HEPH: variants seen among roughly 807,000 people sequenced by gnomAD.
The protein encoded by HEPH is hephaestin.
In HEPH, 69 loss-of-function variants were observed where a neutral mutation model predicts 80.8. The observed-to-expected ratio is 0.85, with a 90% confidence interval of 0.70 to 1.04. The LOEUF is 1.04. Among genes scored for constraint, HEPH ranks in the 50% least tolerant of loss-of-function variants. The pLI is 0.00. For synonymous variants in HEPH, 431 were observed against 322.8 expected, an observed-to-expected ratio of 1.34 and a Z score of -3.60; for missense variants, 1,115 against 891.3, an observed-to-expected ratio of 1.25 and a Z score of -3.20.
rs146368336 is a variant in HEPH at position 66,226,825 on chromosome X, C to T, written c.2563+18579C>T. ...AAATTGCCAACAACAACAAAAAACC[C>T]AGGGTACACAGCTGAATTCTATCAG... On this transcript the variant is annotated intron_variant, in intron 15 of 20. Transcript: ENST00000343002. Among the ~76,000 whole-genome samples the T allele has an allele frequency of 1.4e-3, 160 of 111,113 alleles. 2 individuals are homozygous for T. The East Asian group carries it at 0.038, about 26-fold the overall frequency.
chrX:66,176,859 C>A (rs2086830853), intron 4 of HEPH, among the ~76,000 whole-genome samples: 1 of 111,731 alleles, frequency 9.0e-6, no homozygotes, highest in South Asian at 3.7e-4. Context: ...CGTAGTATTC[C>A]ATGGTGTATA....
chrX:66,263,054 A>G (rs2091418888), intron 19 of HEPH, among the ~76,000 whole-genome samples: 1 of 111,333 alleles, frequency 9.0e-6, no homozygotes, highest in Non-Finnish European at 1.9e-5. Context: ...AGACTGAGCC[A>G]GGTACTAAAG....
At chrX:66,189,597 A>T (rs1214773960) in intron 5 of HEPH, 87 bp from the exon 6 acceptor site, 3 of 983,009 alleles carry the variant, frequency 3.1e-6, no homozygotes, top group African/African-American at 1.9e-5. Flanking sequence ...TCATTTAAAT[A>T]TTATCTATTA....
intron 13 of HEPH, among the ~76,000 whole-genome samples, chrX:66,205,446 A>T (rs1464342395): frequency 1.8e-5 from 2 of 112,105 alleles, no homozygotes; most frequent in Non-Finnish European, 3.8e-5. Context: ...TCAAGTCTGC[A>T]TAGAATTCCA....
At position 66,164,441 on chromosome X, in the gene HEPH, A is replaced by C; in HGVS notation, c.-43A>C. On this transcript the variant is annotated 5_prime_UTR_variant, in exon 1 of 21. The change abolishes an upstream ATG in the 5' untranslated region. Coordinates refer to ENST00000343002, the MANE Select transcript of HEPH (RefSeq NM_001367233.3). ...AGTGCAGCATTAATGGGCCGCTGAC[A>C]TGAATATGGAGTAGTTTTCTCTAGC... 1 of 753,606 alleles carries C rather than the reference A, an allele frequency of 1.3e-6. No homozygotes were observed. 62.1% of individuals were successfully genotyped at this position (753,606 alleles called of 1,213,427 possible). A position where few individuals can be genotyped will look rare whatever the true frequency, so the allele number is the denominator to read the frequency against.
At chrX:66,234,928 C>T (rs967659112) in intron 15 of HEPH, among the ~76,000 whole-genome samples, 6 of 110,740 alleles carry the variant, frequency 5.4e-5, no homozygotes, top group African/African-American at 2.0e-4. Flanking sequence ...GGATTACAGG[C>T]GTGAACCACC....
At chrX:66,181,925 C>T (rs2087175738) in intron 4 of HEPH, among the ~76,000 whole-genome samples, 1 of 109,743 alleles carries the variant, frequency 9.1e-6, no homozygotes, top group Non-Finnish European at 1.9e-5. Flanking sequence ...TATGGCTAGC[C>T]AGTTTTCACA....
chrX:66,174,569 C>A (rs1602205809), intron 4 of HEPH, among the ~76,000 whole-genome samples: 1 of 112,080 alleles, frequency 8.9e-6, no homozygotes, highest in African/African-American at 3.2e-5. Flanking sequence ...ACTTTTAATT[C>A]ATTAAGCAAT....
At chrX:66,194,983 T>C in intron 8 of HEPH, 115 bp from the exon 9 acceptor site, 1 of 596,586 alleles carries the variant, frequency 1.7e-6, no homozygotes, top group Non-Finnish European at 2.4e-6. Flanking sequence ...AAGAAAAGTT[T>C]TTTATTTTCT....
At chrX:66,240,320 G>A (rs768075539) in intron 15 of HEPH, among the ~76,000 whole-genome samples, 2 of 111,041 alleles carry the variant, frequency 1.8e-5, no homozygotes, top group South Asian at 7.6e-4. Context: ...AAAAGAAAAG[G>A]AAGAAAATGA....
chrX:66,264,706 T>C (rs1313318121), intron 20 of HEPH, among the ~76,000 whole-genome samples: 1 of 108,196 alleles, frequency 9.2e-6, no homozygotes, highest in Admixed American at 1.0e-4. Context: ...GACCAGGATA[T>C]GTCCTGGAGG....
At chrX:66,180,819 G>C (rs868054458) in intron 4 of HEPH, among the ~76,000 whole-genome samples, 2 of 83,707 alleles carry the variant, frequency 2.4e-5, no homozygotes, top group Admixed American at 2.7e-4. Flanking sequence ...CTAGCATTAG[G>C]TATATCTCCC....
intron 17 of HEPH, among the ~76,000 whole-genome samples, chrX:66,258,015 G>A (rs1244455985): frequency 9.0e-6 from 1 of 111,637 alleles, no homozygotes; most frequent in Non-Finnish European, 1.9e-5. Flanking sequence ...TTAATTCTAT[G>A]CATTAATGTT....
chrX:66,200,884 T>C (rs1384886789), intron 12 of HEPH, 132 bp downstream of exon 12: 3 of 488,088 alleles, frequency 6.1e-6, no homozygotes, highest in Non-Finnish European at 1.0e-5. Flanking sequence ...TAAAAACACT[T>C]GTCTTTTTCT....
rs1417395794 is a variant in HEPH, at chrX:66,198,927, A to G, written c.1763A>G (p.Asn588Ser). Residue 588 changes from asparagine (N) to serine (S), a missense_variant, in exon 11 of 21, where the codon AAC (asparagine) becomes AGC (serine). Asn to Ser is a conservative substitution (Grantham distance 46). Coordinates refer to ENST00000343002, the MANE Select transcript of HEPH (RefSeq NM_001367233.3). ...CTTCTCTTCACTGTGTTGGATGAGA[A>G]CAAGAGCTGGTACAGCAATGCCAAT... Reference protein sequence around the residue: ...FFLLFTVLDENKSWYSNANQA... With the variant: ...FFLLFTVLDESKSWYSNANQA... The G allele has an allele frequency of 8.3e-7, 1 of 1,204,473 alleles. No homozygotes were observed. Among genetic ancestry groups the G allele is most frequent in the Non-Finnish European group, 1.1e-6 (1 of 888,712 alleles).
intron 15 of HEPH, among the ~76,000 whole-genome samples, chrX:66,211,450 G>C (rs73630914): frequency 0.05 from 5,577 of 110,583 alleles, 319 homozygotes; most frequent in African/African-American, 0.17. Context: ...CTGCATATTT[G>C]TACCCTTTAA....
chrX:66,197,886 G>A lies in HEPH; in HGVS notation c.1705G>A (p.Gly569Ser), dbSNP rs2088192008. Reference protein sequence around the residue: ...VCRAGALGADGKQKGVDKEFF... With the variant: ...VCRAGALGADSKQKGVDKEFF... ...CAGGGCTGGTGCCTTGGGTGCAGAT[G>A]GCAAGCAGGTATTGTCAGGGTTATC... Residue 569 changes from glycine to serine, a missense_variant, in exon 10 of 21, where the codon GGC becomes AGC. Gly to Ser is a moderately conservative substitution (Grantham distance 56, BLOSUM62 0). Around this residue, in one of 3 missense-constraint regions of HEPH, gnomAD observed 716 missense variants for 523.5 expected, o/e 1.37. Coordinates refer to ENST00000343002, the MANE Select transcript of HEPH (RefSeq NM_001367233.3). The A allele has an allele frequency of 8.4e-7, 1 of 1,193,524 alleles. No individual in the cohort carries two copies. The highest frequency in any genetic ancestry group is 1.1e-6 in the Non-Finnish European group (1 of 886,343).
chrX:66,187,737 C>A (rs971801678), intron 4 of HEPH, among the ~76,000 whole-genome samples: 2 of 111,253 alleles, frequency 1.8e-5, no homozygotes, highest in African/African-American at 6.5e-5. Context: ...GGTGCTGGAG[C>A]CAAAATTCAT....
chrX:66,267,488 T>C (rs1232914291), downstream of HEPH: 1 of 112,030 alleles, frequency 8.9e-6, no homozygotes, highest in African/African-American at 3.2e-5. Flanking sequence ...TGTATTTGTC[T>C]AGCCTTTGTA....
Sources: allele counts gnomAD v4.1 joint callset (sites outside exome capture counted in the v4.1 genomes callset), GRCh38; gene constraint gnomAD v4.1.1; regional missense constraint gnomAD v4.1.1; transcripts MANE v1.5; gene names NCBI Gene and HGNC (gene_info 2026-07-23, HGNC 2026-07-21).